CNTN5: variants seen among roughly 807,000 people sequenced by gnomAD.
CNTN5 encodes contactin-5.
Under a neutral mutation model 129.1 loss-of-function variants are expected in CNTN5, and 77 were observed. The observed-to-expected ratio is 0.60, with a 90% CI of 0.50 to 0.72. CNTN5 has a LOEUF of 0.72. Among genes scored for constraint, CNTN5 ranks in the 30% least tolerant of loss-of-function variants. The probability of loss-of-function intolerance (pLI) is 0.00; values close to 1 mark genes in which losing one functional copy is unlikely to be tolerated. For missense variants in CNTN5, 1,478 were observed against 1,328.8 expected, an observed-to-expected ratio of 1.11 and a Z score of -1.75; for synonymous variants, 509 against 465.6, an observed-to-expected ratio of 1.09 and a Z score of -1.20.
intron 15 of CNTN5, among the ~76,000 whole-genome samples, chr11:100,221,686 C>A (rs559720460): frequency 6.6e-6 from 1 of 152,038 alleles, no homozygotes; most frequent in Non-Finnish European, 1.5e-5. Context: ...AGTTATTAAG[C>A]TCCCACTATG....
rs1949734307 is a variant in CNTN5 at position 99,584,716 on chromosome 11, A to G, written c.55+28447A>G. On this transcript the variant is annotated intron_variant, in intron 3 of 24. Coordinates refer to ENST00000524871, the MANE Select transcript of CNTN5 (RefSeq NM_014361.4). ...ACTTCTGCTTCACGCATGCAGAAGTACAGTGGCTGCCTCAGGGAAAAGCAT... is the reference window on the plus strand; with the variant it reads ...ACTTCTGCTTCACGCATGCAGAAGTGCAGTGGCTGCCTCAGGGAAAAGCAT... Among the ~76,000 whole-genome samples, 3 of 152,264 alleles carry G rather than the reference A, an allele frequency of 2.0e-5. No individual in the cohort carries two copies. The South Asian group carries it at 6.2e-4, about 31-fold the overall frequency.
At chr11:100,078,775 A>G (rs2083487081) in intron 13 of CNTN5, among the ~76,000 whole-genome samples, 1 of 152,140 alleles carries the variant, frequency 6.6e-6, no homozygotes. Flanking sequence ...AATGTTATGT[A>G]TAATGATAAT....
At position 99,081,247 on chromosome 11, in the gene CNTN5, T is replaced by C. The variant is rs529928174; in HGVS notation, c.-210+59977T>C. Among the ~76,000 whole-genome samples, 10 of 152,316 alleles carry C rather than the reference T, an allele frequency of 6.6e-5. 1 individual carries two copies. Among genetic ancestry groups the C allele is most frequent in the African/African-American group, 1.9e-4 (8 of 41,578 alleles). On this transcript the variant is annotated intron_variant, in intron 1 of 24. Coordinates refer to ENST00000524871, the MANE Select transcript of CNTN5 (RefSeq NM_014361.4). ...AGAAATAAATCCCTTTTTTGCAGCC[T>C]CTTCGATATGTTTAGTGCTTTTTAT...
intron 10 of CNTN5, among the ~76,000 whole-genome samples, chr11:100,069,336 T>A (rs921474604): frequency 6.6e-6 from 1 of 151,962 alleles, no homozygotes; most frequent in Non-Finnish European, 1.5e-5. Context: ...TTTTTTTATT[T>A]TTAGTAGAGA....
At chr11:100,287,245 A>G (rs201889107) in intron 18 of CNTN5, among the ~76,000 whole-genome samples, 37 of 148,216 alleles carry the variant, frequency 2.5e-4, no homozygotes, top group South Asian at 4.3e-4. Context: ...CAAATTCAGG[A>G]AATACAGAGA....
intron 1 of CNTN5, among the ~76,000 whole-genome samples, chr11:99,192,723 G>A (rs1858706315): frequency 6.6e-6 from 1 of 151,966 alleles, no homozygotes; most frequent in Non-Finnish European, 1.5e-5. Flanking sequence ...TAAATCTACT[G>A]TATGGAAATA....
intron 1 of CNTN5, among the ~76,000 whole-genome samples, chr11:99,102,666 A>T (rs968753867): frequency 1.3e-5 from 2 of 152,066 alleles, no homozygotes; most frequent in African/African-American, 2.4e-5. Context: ...TTTGAGACGA[A>T]CTCAGCCTGG....
intron 6 of CNTN5, 70 bp from the exon 7 acceptor site, chr11:99,915,984 C>T: frequency 8.3e-7 from 1 of 1,206,166 alleles, no homozygotes; most frequent in Non-Finnish European, 1.2e-6. Flanking sequence ...AAAGTAAGTA[C>T]AAGTTACAAT....
intron 2 of CNTN5, among the ~76,000 whole-genome samples, chr11:99,368,777 T>C (rs926106731): frequency 3.3e-5 from 5 of 152,020 alleles, no homozygotes; most frequent in African/African-American, 9.7e-5. Context: ...CCAAAGCAAA[T>C]AGTGCACCAG....
chr11:99,135,227 A>G (rs1344473528), intron 1 of CNTN5, among the ~76,000 whole-genome samples: 1 of 152,072 alleles, frequency 6.6e-6, no homozygotes, highest in Non-Finnish European at 1.5e-5. Flanking sequence ...GCAAGTAAAT[A>G]CATATAAAAA....
At chr11:99,658,947 C>A (rs1370961412) in intron 3 of CNTN5, among the ~76,000 whole-genome samples, 2 of 149,658 alleles carry the variant, frequency 1.3e-5, no homozygotes, top group African/African-American at 2.5e-5. Flanking sequence ...CTGTCTAGAA[C>A]CCTCTTCCTT....
chr11:99,795,749 A>T (rs559161488), intron 3 of CNTN5, among the ~76,000 whole-genome samples: 1 of 151,938 alleles, frequency 6.6e-6, no homozygotes, highest in Non-Finnish European at 1.5e-5. Flanking sequence ...GGTAGATTTT[A>T]TGGGGTCTCA....
At chr11:99,771,825 A>G (rs1944956037) in intron 3 of CNTN5, among the ~76,000 whole-genome samples, 1 of 152,018 alleles carries the variant, frequency 6.6e-6, no homozygotes, top group African/African-American at 2.4e-5. Flanking sequence ...CAACTGCGTG[A>G]GGTGATAGAT....
Position 100,130,628 on chromosome 11 carries a change from C to A in CNTN5, c.1580+56334C>A, listed in dbSNP as rs118092553. ...TAGTTCTAGAACTGTGCTTGAGTACCCACAGGATGCCATGGGTTTGGGCTT... is the reference window on the plus strand; with the variant it reads ...TAGTTCTAGAACTGTGCTTGAGTACACACAGGATGCCATGGGTTTGGGCTT... On this transcript the variant is annotated intron_variant, in intron 13 of 24. Coordinates refer to ENST00000524871, the MANE Select transcript of CNTN5 (RefSeq NM_014361.4). Among the ~76,000 whole-genome samples the A allele has an allele frequency of 1.4e-4, 21 of 152,026 alleles. No individual in the cohort carries two copies. In the East Asian group the frequency reaches 3.9e-3, roughly 28 times the overall value.
intron 2 of CNTN5, among the ~76,000 whole-genome samples, chr11:99,512,292 G>T (rs1946867949): frequency 6.6e-6 from 1 of 152,148 alleles, no homozygotes; most frequent in South Asian, 2.1e-4. Context: ...GTGCAGCACG[G>T]TAACATGCTG....
intron 2 of CNTN5, among the ~76,000 whole-genome samples, chr11:99,420,787 A>G (rs899625456): frequency 6.6e-6 from 1 of 152,156 alleles, no homozygotes; most frequent in African/African-American, 2.4e-5. Context: ...GGCAAGATAG[A>G]CATTTTCTCT....
intron 8 of CNTN5, among the ~76,000 whole-genome samples, chr11:99,970,414 A>G (rs1693071248): frequency 6.6e-6 from 1 of 152,228 alleles, no homozygotes; most frequent in Admixed American, 6.5e-5. Context: ...ATTTGGTTTA[A>G]AATACATTGG....
At chr11:99,891,241 T>C (rs1174339260) in intron 6 of CNTN5, among the ~76,000 whole-genome samples, 1 of 152,166 alleles carries the variant, frequency 6.6e-6, no homozygotes, top group Non-Finnish European at 1.5e-5. Context: ...ATGGGGACTT[T>C]CTTTACTAGC....
intron 3 of CNTN5, among the ~76,000 whole-genome samples, chr11:99,596,023 C>T (rs17603752): frequency 0.014 from 2,101 of 152,196 alleles, 18 homozygotes; most frequent in Non-Finnish European, 0.022. Context: ...TGATTCAAGA[C>T]ACGCTTTAAA....
Sources: allele counts gnomAD v4.1 joint callset (sites outside exome capture counted in the v4.1 genomes callset), GRCh38; gene constraint gnomAD v4.1.1; transcripts MANE v1.5; gene names NCBI Gene and HGNC (gene_info 2026-07-23, HGNC 2026-07-21).